Variants in KLHL1 observed in about 807,000 individuals in gnomAD.
KLHL1 encodes kelch like family member 1.
A neutral mutation model predicts 77.7 loss-of-function variants in KLHL1; 47 were observed. The ratio of observed to expected loss-of-function variants is 0.60; its 90% confidence interval spans 0.48 to 0.77. The LOEUF is 0.77. Among genes scored for constraint, KLHL1 ranks in the 30% least tolerant of loss-of-function variants. The pLI is 0.00. For missense variants in KLHL1, 925 were observed against 910.8 expected (o/e 1.02, Z -0.20); for synonymous variants, 360 against 325.2 (o/e 1.11, Z -1.15).
At chr13:69,804,307 TG>T (rs59457863) in intron 6 of KLHL1, among the ~76,000 whole-genome samples, 7,514 of 66,362 alleles carry the variant, frequency 0.11, 353 homozygotes, top group African/African-American at 0.3. Context: ...AATTTTTTTG[TG>T]GGGGGGGGAA....
At chr13:69,745,323 T>TTTATCAATTTGTAGTAGTTCTTG (rs1874162306) in intron 7 of KLHL1, among the ~76,000 whole-genome samples, 1 of 151,942 alleles carries the variant, frequency 6.6e-6, no homozygotes, top group South Asian at 2.1e-4. Context: ...ATTATATCAT[T>TTTATCAATTTGTAGTAGTTCTTG]TTATCAATTT....
intron 8 of KLHL1, among the ~76,000 whole-genome samples, chr13:69,733,530 C>T (rs1387106817): frequency 6.6e-6 from 1 of 152,018 alleles, no homozygotes; most frequent in Non-Finnish European, 1.5e-5. Flanking sequence ...AAAGAGAACA[C>T]ACAGAAATAG....
At chr13:69,930,441 A>G (rs1882964717) in intron 4 of KLHL1, among the ~76,000 whole-genome samples, 1 of 151,854 alleles carries the variant, frequency 6.6e-6, no homozygotes, top group African/African-American at 2.4e-5. Flanking sequence ...ACCAAGCTTT[A>G]GAGTACTTGA....
chr13:69,961,407 T>A lies in KLHL1; in HGVS notation c.718A>T (p.Met240Leu). The A allele has an allele frequency of 1.9e-6, 3 of 1,613,064 alleles. No individual in the cohort carries two copies. The highest frequency in any genetic ancestry group is 1.7e-6 in the Non-Finnish European group (2 of 1,179,378). The change falls in exon 3 of 11, where the codon ATG becomes TTG. Residue 240 changes from methionine to leucine, a missense_variant. Physicochemically the swap from Met to Leu is conservative, Grantham distance 15. Coordinates refer to ENST00000377844, the MANE Select transcript of KLHL1 (RefSeq NM_020866.3). Reference sequence around the variant, plus strand: ...GCTTCACAAACATCACTTGTAAACATGGCCGCAAAATAGTCGGAGACTGAA... The same window carrying A: ...GCTTCACAAACATCACTTGTAAACAAGGCCGCAAAATAGTCGGAGACTGAA... ...LSSVSDYFAAMFTSDVCEAKQ... is the reference protein window; with the variant it reads ...LSSVSDYFAALFTSDVCEAKQ...
intron 4 of KLHL1, among the ~76,000 whole-genome samples, chr13:69,939,340 CATATATA>C (rs1883281522): frequency 3.3e-5 from 2 of 60,846 alleles, no homozygotes; most frequent in African/African-American, 1.3e-4. Context: ...CATATACATA[CATATATA>C]TATATATATA....
At chr13:69,734,246 T>C (rs1335351059) in intron 8 of KLHL1, among the ~76,000 whole-genome samples, 2 of 152,170 alleles carry the variant, frequency 1.3e-5, no homozygotes, top group Non-Finnish European at 2.9e-5. Context: ...CACCATGTGA[T>C]GTGCCTGCTC....
chr13:70,101,684 C>T (rs2137455168), intron 1 of KLHL1, among the ~76,000 whole-genome samples: 1 of 152,242 alleles, frequency 6.6e-6, no homozygotes, highest in Non-Finnish European at 1.5e-5. Flanking sequence ...CCACCTTGGC[C>T]TCCCAAAGTG....
chr13:69,981,512 TA>T (rs1382933764), intron 1 of KLHL1, among the ~76,000 whole-genome samples: 1 of 152,032 alleles, frequency 6.6e-6, no homozygotes, highest in Non-Finnish European at 1.5e-5. Flanking sequence ...CTGAATGTAG[TA>T]AAAGATGACT....
chr13:69,846,991 T>G (rs977053769), intron 5 of KLHL1, among the ~76,000 whole-genome samples: 1 of 151,456 alleles, frequency 6.6e-6, no homozygotes, highest in African/African-American at 2.4e-5. Context: ...TAGAATCAAT[T>G]TTCATGTCTT....
chr13:69,743,930 A>G (rs1307610198), intron 7 of KLHL1, among the ~76,000 whole-genome samples: 3 of 152,108 alleles, frequency 2.0e-5, no homozygotes, highest in Non-Finnish European at 4.4e-5. Flanking sequence ...TTTTGGGGAA[A>G]GCTTGAGAAC....
chr13:69,877,549 A>G (rs1036036618), intron 5 of KLHL1, among the ~76,000 whole-genome samples: 2 of 152,062 alleles, frequency 1.3e-5, no homozygotes, highest in Non-Finnish European at 2.9e-5. Context: ...GTGAAGCCTC[A>G]GGCTATTCAG....
At chr13:69,911,710 C>T (rs1223543970) in intron 4 of KLHL1, among the ~76,000 whole-genome samples, 1 of 151,842 alleles carries the variant, frequency 6.6e-6, no homozygotes, top group East Asian at 1.9e-4. Context: ...GTGGAAATAC[C>T]TGGTTTGTGA....
chr13:69,985,479 G>C (rs1401927701), intron 1 of KLHL1, among the ~76,000 whole-genome samples: 1 of 151,388 alleles, frequency 6.6e-6, no homozygotes, highest in Admixed American at 6.6e-5. Flanking sequence ...TTATCAAAAA[G>C]AAAAAAATAT....
intron 1 of KLHL1, among the ~76,000 whole-genome samples, chr13:70,096,116 C>T (rs1887783244): frequency 6.6e-6 from 1 of 152,020 alleles, no homozygotes; most frequent in African/African-American, 2.4e-5. Context: ...AGGGTGATTC[C>T]ATATTTTAGC....
At chr13:70,099,102 A>G (rs1488629610) in intron 1 of KLHL1, among the ~76,000 whole-genome samples, 1 of 151,910 alleles carries the variant, frequency 6.6e-6, no homozygotes, top group African/African-American at 2.4e-5. Context: ...AAAAATATGG[A>G]ATTTTACTTA....
chr13:70,093,470 G>C (rs571840041), intron 1 of KLHL1, among the ~76,000 whole-genome samples: 1 of 152,216 alleles, frequency 6.6e-6, no homozygotes, highest in Non-Finnish European at 1.5e-5. Context: ...AATAGTAATA[G>C]TAGTAACAAA....
intron 6 of KLHL1, among the ~76,000 whole-genome samples, chr13:69,827,729 CA>C (rs58504097): frequency 0.17 from 12,474 of 72,890 alleles, 331 homozygotes; most frequent in African/African-American, 0.19. Context: ...GACCCTGTCT[CA>C]AAAAAAAAAA....
At chr13:69,879,555 C>T (rs1207771121) in intron 5 of KLHL1, among the ~76,000 whole-genome samples, 2 of 152,092 alleles carry the variant, frequency 1.3e-5, no homozygotes, top group Admixed American at 1.3e-4. Context: ...ACAAACCTTA[C>T]GTTAATGAAT....
At chr13:69,923,902 C>T (rs775275298) in intron 4 of KLHL1, among the ~76,000 whole-genome samples, 10 of 152,174 alleles carry the variant, frequency 6.6e-5, no homozygotes, top group Non-Finnish European at 1.3e-4. Flanking sequence ...TCTTGGGGGC[C>T]TGGGAAGCCC....
Sources: allele counts gnomAD v4.1 joint callset (sites outside exome capture counted in the v4.1 genomes callset), GRCh38; gene constraint gnomAD v4.1.1; transcripts MANE v1.5; gene names NCBI Gene and HGNC (gene_info 2026-07-23, HGNC 2026-07-21).